Variants in SMYD3 observed in about 807,000 individuals in gnomAD.
The protein encoded by SMYD3 is histone-lysine N-methyltransferase SMYD3.
In SMYD3, 36 loss-of-function variants were observed where a neutral mutation model predicts 57.7. The observed-to-expected ratio is 0.62, with a 90% CI of 0.48 to 0.82. SMYD3 has a LOEUF of 0.82. Among genes scored for constraint, SMYD3 ranks in the 40% least tolerant of loss-of-function variants. SMYD3 has a pLI of 0.00. For synonymous variants in SMYD3, 211 were observed against 195.0 expected, an observed-to-expected ratio of 1.08 and a Z score of -0.68; for missense variants, 515 against 538.8, an observed-to-expected ratio of 0.96 and a Z score of 0.44.
intron 3 of SMYD3, among the ~76,000 whole-genome samples, chr1:246,333,554 G>A (rs1375260543): frequency 2.0e-5 from 3 of 152,120 alleles, no homozygotes; most frequent in African/African-American, 7.2e-5. Flanking sequence ...CAATTCACAA[G>A]TAAAAAACAA....
At chr1:246,499,925 A>G (rs1242498040) in intron 1 of SMYD3, among the ~76,000 whole-genome samples, 2 of 152,206 alleles carry the variant, frequency 1.3e-5, no homozygotes, top group Non-Finnish European at 2.9e-5. Context: ...AGGGGTCCTG[A>G]GACTAAAAGG....
At chr1:246,282,360 G>T (rs1291971000) in intron 5 of SMYD3, among the ~76,000 whole-genome samples, 1 of 143,476 alleles carries the variant, frequency 7.0e-6, no homozygotes, top group Admixed American at 7.0e-5. Flanking sequence ...TTAGCTGGGG[G>T]TGGTGTTGCC....
intron 1 of SMYD3, 61 bp downstream of exon 1, chr1:246,506,993 C>CCCCCCCCCCCCCA: frequency 1.1e-6 from 1 of 884,056 alleles, no homozygotes; most frequent in Non-Finnish European, 1.5e-6. Flanking sequence ...CCCGACGCCC[C>CCCCCCCCCCCCCA]CCCCTCCCCA....
At chr1:246,086,452 C>T (rs578061382) in intron 5 of SMYD3, among the ~76,000 whole-genome samples, 5 of 151,832 alleles carry the variant, frequency 3.3e-5, no homozygotes, top group Admixed American at 1.3e-4. Flanking sequence ...GGTGAGAAGA[C>T]CTTCAGTTTT....
intron 5 of SMYD3, among the ~76,000 whole-genome samples, chr1:246,043,991 G>T (rs2059920818): frequency 6.6e-6 from 1 of 152,204 alleles, no homozygotes; most frequent in South Asian, 2.1e-4. Flanking sequence ...CTGCTGCAGT[G>T]TCCGCACGTG....
At chr1:246,026,699 A>G (rs1437810332) in intron 5 of SMYD3, among the ~76,000 whole-genome samples, 2 of 152,146 alleles carry the variant, frequency 1.3e-5, no homozygotes, top group African/African-American at 2.4e-5. Flanking sequence ...AGCTTCACCA[A>G]CTTCATTCCT....
At chr1:245,906,412 T>G (rs1455317027) in intron 8 of SMYD3, among the ~76,000 whole-genome samples, 1 of 152,128 alleles carries the variant, frequency 6.6e-6, no homozygotes, top group East Asian at 1.9e-4. Context: ...AATATCACTG[T>G]CAGAGAAATG....
intron 1 of SMYD3, among the ~76,000 whole-genome samples, chr1:246,492,061 CTG>C (rs1424775710): frequency 6.6e-6 from 1 of 152,252 alleles, no homozygotes; most frequent in Non-Finnish European, 1.5e-5. Flanking sequence ...ATAAAAAAAA[CTG>C]TTAGTAGGCA....
At position 246,287,469 on chromosome 1, in the gene SMYD3, G is replaced by A. The variant is rs140032018; in HGVS notation, c.531+39732C>T. ...AGTTAGGACTCCAGAAGAACTTACC[G>A]CTATGTCCAAACTGGGTTGGAGGGG... On this transcript the variant is annotated intron_variant, in intron 5 of 11. Transcript: ENST00000490107. 2.0e-3 allele frequency among the ~76,000 whole-genome samples: 300 copies of A among 152,262 alleles called. 2 individuals are homozygous for A. Among genetic ancestry groups the A allele is most frequent in the African/African-American group, 6.8e-3 (284 of 41,562 alleles).
intron 5 of SMYD3, among the ~76,000 whole-genome samples, chr1:246,215,995 AAAAC>A (rs1200496061): frequency 2.3e-4 from 35 of 152,284 alleles, no homozygotes; most frequent in African/African-American, 8.4e-4. Flanking sequence ...ACTAATGTGA[AAAAC>A]AAACTCAAGG....
At chr1:245,920,999 C>T (rs150708671) in intron 7 of SMYD3, among the ~76,000 whole-genome samples, 58 of 152,264 alleles carry the variant, frequency 3.8e-4, no homozygotes, top group East Asian at 2.7e-3. Flanking sequence ...AGTAAACAAA[C>T]GACCTACAGA....
intron 5 of SMYD3, among the ~76,000 whole-genome samples, chr1:245,943,088 C>T (rs532939107): frequency 1.4e-5 from 2 of 147,088 alleles, no homozygotes; most frequent in African/African-American, 5.0e-5. Context: ...TAGAGAACCA[C>T]GAGCAAACAA....
chr1:246,339,813 C>T (rs1219841123), intron 2 of SMYD3, among the ~76,000 whole-genome samples: 4 of 152,302 alleles, frequency 2.6e-5, no homozygotes, highest in East Asian at 1.9e-4. Flanking sequence ...AAAGAGAGTC[C>T]GGCCCTCTCT....
At chr1:245,933,322 G>A (rs946777818) in intron 5 of SMYD3, among the ~76,000 whole-genome samples, 2 of 151,732 alleles carry the variant, frequency 1.3e-5, no homozygotes, top group African/African-American at 4.8e-5. Flanking sequence ...AATGCAACTG[G>A]GTTAATGAAT....
intron 10 of SMYD3, among the ~76,000 whole-genome samples, chr1:245,766,637 T>C (rs1390214499): frequency 2.6e-5 from 4 of 152,170 alleles, no homozygotes; most frequent in African/African-American, 9.7e-5. Context: ...CCCTGGACAC[T>C]TTCCTTGAAA....
At chr1:246,231,573 G>T (rs1292097841) in intron 5 of SMYD3, among the ~76,000 whole-genome samples, 2 of 152,150 alleles carry the variant, frequency 1.3e-5, no homozygotes, top group Admixed American at 1.3e-4. Flanking sequence ...ACAGAAAAAA[G>T]AAGTTACTTT....
intron 1 of SMYD3, among the ~76,000 whole-genome samples, chr1:246,495,853 G>A (rs1286706527): frequency 1.3e-5 from 2 of 151,896 alleles, no homozygotes. Flanking sequence ...TCAGAGGGCG[G>A]AGGTAGGCGG....
chr1:246,479,255 T>C (rs949515344), intron 1 of SMYD3, among the ~76,000 whole-genome samples: 42 of 152,250 alleles, frequency 2.8e-4, no homozygotes, highest in African/African-American at 9.9e-4. Flanking sequence ...ACTCCAGGAA[T>C]GAGGGCTAGA....
intron 11 of SMYD3, among the ~76,000 whole-genome samples, chr1:245,759,254 GAA>G (rs1449211423): frequency 1.3e-5 from 2 of 150,224 alleles, no homozygotes; most frequent in Non-Finnish European, 2.9e-5. Flanking sequence ...ACAACTCTTT[GAA>G]GGTATTAGTG....
Sources: allele counts gnomAD v4.1 joint callset (sites outside exome capture counted in the v4.1 genomes callset), GRCh38; gene constraint gnomAD v4.1.1; transcripts MANE v1.5; gene names NCBI Gene and HGNC (gene_info 2026-07-23, HGNC 2026-07-21).